MUC3A: variants seen among roughly 807,000 people sequenced by gnomAD.
The protein encoded by MUC3A is mucin-3A.
A neutral mutation model predicts 109.0 loss-of-function variants in MUC3A; 109 were observed. That is an observed-to-expected ratio of 1.00 (90% confidence interval 0.86 to 1.17). MUC3A has a LOEUF of 1.17. Among genes scored for constraint, MUC3A ranks in the 50% most tolerant of loss-of-function variants. The pLI, the probability that MUC3A is intolerant of heterozygous loss-of-function variation, is 0.00. For missense variants in MUC3A, 3,537 were observed against 2,469.4 expected (o/e 1.43, Z -9.16); for synonymous variants, 1,398 against 981.4 (o/e 1.42, Z -7.93).
In MUC3A at chr7:100,959,953, C is replaced by A. The variant is rs773698502; in HGVS notation, c.8174C>A (p.Ala2725Asp). ...YIFSTENVGS[A>D]SITGFPSLSS... ...TTCAGTACAGAAAATGTGGGCTCCG[C>A]TTCTATCACAGGCTTTCCTAGTCTC... The change falls in exon 2 of 12, where the codon GCT becomes GAT. Residue 2725 changes from alanine to aspartate, a missense_variant. Ala to Asp is a moderately radical substitution (Grantham distance 126). Transcript: ENST00000379458. The A allele has an allele frequency of 6.6e-7, 1 of 1,510,182 alleles. No homozygotes were observed. The highest frequency in any genetic ancestry group is 8.8e-7 in the Non-Finnish European group (1 of 1,140,432). 93.5% of individuals were successfully genotyped at this position (1,510,182 alleles called of 1,614,324 possible). A position where few individuals can be genotyped will look rare whatever the true frequency, so the allele number is the denominator to read the frequency against.
chr7:100,958,876 A>T lies in MUC3A; in HGVS notation c.7097A>T (p.Glu2366Val). 1 of 1,594,058 alleles carries T rather than the reference A, an allele frequency of 6.3e-7. No individual in the cohort carries two copies. The highest frequency in any genetic ancestry group is 8.5e-7 in the Non-Finnish European group (1 of 1,176,950). The change falls in exon 2 of 12, where the codon GAG becomes GTG. Residue 2366 changes from glutamate (E) to valine (V), a missense_variant. By Grantham distance (121) the Glu-to-Val change is moderately radical (BLOSUM62 -2). Transcript: ENST00000379458. ...TSFTSSITTT[E>V]TTSHSTPSFS... is the part of the protein sequence containing the mutation. ...TTCACTTCTTCGATCACCACCACCG[A>T]GACCACCTCACACAGTACTCCCAGC...
At position 100,963,248 on chromosome 7, in the gene MUC3A, C is replaced by A; in HGVS notation, c.9150C>A (p.Asn3050Lys). The A allele has an allele frequency of 1.9e-6, 3 of 1,597,806 alleles. No individual in the cohort carries two copies. Among genetic ancestry groups the A allele is most frequent in the Non-Finnish European group, 2.5e-6 (3 of 1,179,474 alleles). Reference protein sequence around the residue: ...DNTSQAYRDFNKTFWNQMQKI... With the variant: ...DNTSQAYRDFKKTFWNQMQKI... ...CTTCCCAGGCCTACAGGGATTTCAACAAGACCTTCTGGAATCAGGTAAAGG... is the reference window on the plus strand; with the variant it reads ...CTTCCCAGGCCTACAGGGATTTCAAAAAGACCTTCTGGAATCAGGTAAAGG... Residue 3050 changes from asparagine (N) to lysine (K), a missense_variant, in exon 4 of 12, where the codon AAC (asparagine) becomes AAA (lysine). Physicochemically the swap from Asn to Lys is moderately conservative, Grantham distance 94. Coordinates refer to ENST00000379458, the MANE Select transcript of MUC3A (RefSeq NM_005960.2).
At chr7:100,950,786 T>G (rs1791913247) in intron 1 of MUC3A, among the ~76,000 whole-genome samples, 1 of 152,308 alleles carries the variant, frequency 6.6e-6, no homozygotes, top group Non-Finnish European at 1.5e-5. Context: ...CAAAAGGGAA[T>G]AGTATAGAAA....
rs1428866223 is a variant in MUC3A, at chr7:100,959,308, C to G, written c.7529C>G (p.Pro2510Arg). 3 of 1,574,272 alleles carry G rather than the reference C, an allele frequency of 1.9e-6. No individual in the cohort carries two copies. Among genetic ancestry groups the G allele is most frequent in the East Asian group, 2.2e-5 (1 of 44,770 alleles). ...TCATTGACTACAACCACAGACTTTC[C>G]CTCTATACCCACTGATATCAGTACC... ...STSLTTTTDF[P>R]SIPTDISTLP... Residue 2510 changes from proline (P) to arginine (R), a missense_variant, in exon 2 of 12, where the codon CCC (proline) becomes CGC (arginine). Physicochemically the swap from Pro to Arg is moderately radical, Grantham distance 103. Coordinates refer to ENST00000379458, the MANE Select transcript of MUC3A (RefSeq NM_005960.2).
In MUC3A at chr7:100,964,569, G is replaced by C. The variant is rs587732577; in HGVS notation, c.9234-126G>C. 3.8e-4 allele frequency: 534 copies of C among 1,412,654 alleles called. No individual in the cohort carries two copies. The African/African-American group carries it at 7.1e-3, about 19-fold the overall frequency. 87.5% of individuals were successfully genotyped at this position (1,412,654 alleles called of 1,614,324 possible). The stretch of plus-strand genomic sequence containing the variant: ...GCCCCTTCTGAAAAGGATGCACGTG[G>C]CATCCCAACTCATGACCTCTGCTCC... On this transcript the variant is annotated intron_variant, in intron 5 of 11. Coordinates refer to ENST00000379458, the MANE Select transcript of MUC3A (RefSeq NM_005960.2).
chr7:100,962,811 C>T (rs926553648), intron 3 of MUC3A, among the ~76,000 whole-genome samples: 6 of 126,480 alleles, frequency 4.7e-5, no homozygotes, highest in South Asian at 2.4e-4. Context: ...CTCTCTCTCT[C>T]TCTTTCTTTC....
At chr7:100,965,402 A>G in intron 7 of MUC3A, 55 bp downstream of exon 7, 4 of 1,571,284 alleles carry the variant, frequency 2.5e-6, no homozygotes, top group East Asian at 2.3e-5. Flanking sequence ...CCGGGCTACC[A>G]GGGACATTTG....
In MUC3A at chr7:100,953,264, A is replaced by C; in HGVS notation, c.1485A>C (p.Glu495Asp). 1.8e-6 allele frequency: 1 copy of C among 542,950 alleles called. No individual in the cohort carries two copies. The highest frequency in any genetic ancestry group is 3.2e-6 in the Non-Finnish European group (1 of 309,732). The allele number at this position is 542,950 out of a possible 1,614,324, so 33.6% of individuals were successfully genotyped here. A position where few individuals can be genotyped will look rare whatever the true frequency, so the allele number is the denominator to read the frequency against. Residue 495 changes from glutamate to aspartate, a missense_variant, in exon 2 of 12, where the codon GAA becomes GAC. By Grantham distance (45) the Glu-to-Asp change is conservative. Transcript: ENST00000379458. ...IPSSPSIQNT[E>D]TSSLVSMTSA... The stretch of plus-strand genomic sequence containing the variant: ...CTTCCCCCAGCATTCAGAATACAGA[A>C]ACCTCATCCCTTGTCAGCATGACCT...
At position 100,957,928 on chromosome 7, in the gene MUC3A, A is replaced by G. The variant is rs1792145614; in HGVS notation, c.6149A>G (p.Glu2050Gly). 14 of 466,670 alleles carry G rather than the reference A, an allele frequency of 3.0e-5. No homozygotes were observed. The Admixed American group carries it at 4.4e-4, about 15-fold the overall frequency. The allele number at this position is 466,670 out of a possible 1,614,324, so 28.9% of individuals were successfully genotyped here. The change falls in exon 2 of 12, where the codon GAG becomes GGG. Residue 2050 changes from glutamate to glycine, a missense_variant. Glu to Gly is a moderately conservative substitution (Grantham distance 98, BLOSUM62 -2). Transcript: ENST00000379458. ...TPSFTSSITTETTSHSTPSFT... is the reference protein window; with the variant it reads ...TPSFTSSITTGTTSHSTPSFT... The stretch of plus-strand genomic sequence containing the variant: ...AGCTTCACTTCTTCGATCACCACCG[A>G]GACCACATCCCACAGTACTCCCAGC...
intron 3 of MUC3A, among the ~76,000 whole-genome samples, chr7:100,961,708 GA>G (rs1792332823): frequency 6.6e-6 from 1 of 152,306 alleles, no homozygotes; most frequent in African/African-American, 2.4e-5. Flanking sequence ...CACTATTCAG[GA>G]GGCTGAGGCA....
chr7:100,961,908 G>A, intron 3 of MUC3A, among the ~76,000 whole-genome samples: 1 of 152,294 alleles, frequency 6.6e-6, no homozygotes, highest in Non-Finnish European at 1.5e-5. Flanking sequence ...AGGAGTTCAG[G>A]ACCAGCCTGG....
chr7:100,965,434 G>C, intron 7 of MUC3A, 87 bp downstream of exon 7: 9 of 1,545,004 alleles, frequency 5.8e-6, no homozygotes, highest in Non-Finnish European at 7.0e-6. Context: ...CTGTGGGCAG[G>C]GAGAGACCTT....
In MUC3A at chr7:100,959,128, C is replaced by G. The variant is rs1792220216; in HGVS notation, c.7349C>G (p.Ser2450Cys). 5 of 1,583,768 alleles carry G rather than the reference C, an allele frequency of 3.2e-6. No individual in the cohort carries two copies. The highest frequency in any genetic ancestry group is 4.3e-6 in the Non-Finnish European group (5 of 1,174,470). ...AGCCTCAGTTCTTCAACCATCTACT[C>G]CACAGTCAGCACATCCACAACTGCC... ...TPSLSSSTIYSTVSTSTTAIT... is the reference protein window; with the variant it reads ...TPSLSSSTIYCTVSTSTTAIT... The change falls in exon 2 of 12, where the codon TCC (serine) becomes TGC (cysteine). Residue 2450 changes from serine to cysteine, a missense_variant. Physicochemically the swap from Ser to Cys is moderately radical, Grantham distance 112. Coordinates refer to ENST00000379458, the MANE Select transcript of MUC3A (RefSeq NM_005960.2).
chr7:100,957,096 G>C lies in MUC3A; in HGVS notation c.5317G>C (p.Val1773Leu). 1 of 469,520 alleles carries C rather than the reference G, an allele frequency of 2.1e-6. No homozygotes were observed. Among genetic ancestry groups the C allele is most frequent in the Non-Finnish European group, 3.7e-6 (1 of 266,954 alleles). 29.1% of individuals were successfully genotyped at this position (469,520 alleles called of 1,614,324 possible). ...TTCTTCAATCACCTCCACATATACG[G>C]TGACTTCGATGACAACTACCACCCC... Reference protein sequence around the residue: ...ITSSITSTYTVTSMTTTTPLG... With the variant: ...ITSSITSTYTLTSMTTTTPLG... The change falls in exon 2 of 12, where the codon GTG becomes CTG. Residue 1773 changes from valine (V) to leucine (L), a missense_variant. Coordinates refer to ENST00000379458, the MANE Select transcript of MUC3A (RefSeq NM_005960.2).
At chr7:100,964,004 G>A in intron 5 of MUC3A, 1 of 627,816 alleles carries the variant, frequency 1.6e-6, no homozygotes, top group Non-Finnish European at 2.8e-6. Context: ...GGTGGTGCCT[G>A]GATTGATGAC....
rs1270525026 is a variant in MUC3A at position 100,949,711 on chromosome 7, T to G, written c.61+26T>G. On this transcript the variant is annotated intron_variant, in intron 1 of 11. Coordinates refer to ENST00000379458, the MANE Select transcript of MUC3A (RefSeq NM_005960.2). ...GTAAGGGGGAGAGGCGGAAGGGGGT[T>G]GGAGAAAAGCTCCTGATGTGATGTT... 5 of 1,506,980 alleles carry G rather than the reference T, an allele frequency of 3.3e-6. No individual in the cohort carries two copies. The Admixed American group carries it at 1.1e-4, about 33-fold the overall frequency. The allele number at this position is 1,506,980 out of a possible 1,614,324, so 93.4% of individuals were successfully genotyped here.
chr7:100,965,896 C>T, intron 8 of MUC3A, 30 bp downstream of exon 8: 26 of 1,566,846 alleles, frequency 1.7e-5, no homozygotes, highest in East Asian at 2.3e-5. Context: ...CGGCATCAGC[C>T]GAGCCCCTCC....
chr7:100,963,068 G>T, intron 3 of MUC3A, 83 bp from the exon 4 acceptor site: 3 of 1,470,334 alleles, frequency 2.0e-6, no homozygotes, highest in Non-Finnish European at 2.8e-6. Context: ...AGCAGGAGGA[G>T]CCTGTGGGTT....
intron 7 of MUC3A, 113 bp from the exon 8 acceptor site, chr7:100,965,591 T>A (rs1792504958): frequency 2.0e-6 from 3 of 1,511,084 alleles, no homozygotes; most frequent in Admixed American, 4.0e-5. Context: ...CCCCACAGCA[T>A]CCCACCTCGG....
Sources: allele counts gnomAD v4.1 joint callset (sites outside exome capture counted in the v4.1 genomes callset), GRCh38; gene constraint gnomAD v4.1.1; transcripts MANE v1.5; gene names NCBI Gene and HGNC (gene_info 2026-07-23, HGNC 2026-07-21).